The following UBE2G1 variants were observed in gnomAD, a reference collection of about 807,000 sequenced individuals.
UBE2G1 encodes the protein ubiquitin conjugating enzyme E2 G1, also known as ubiquitin-conjugating enzyme E2 G1.
A neutral mutation model predicts 22.7 loss-of-function variants in UBE2G1; 5 were observed. The ratio of observed to expected loss-of-function variants is 0.22; its 90% confidence interval spans 0.12 to 0.46. The LOEUF is 0.46. Among genes scored for constraint, UBE2G1 ranks in the 20% least tolerant of loss-of-function variants. UBE2G1 has a pLI of 0.99. For synonymous variants in UBE2G1, 74 were observed against 67.5 expected (o/e 1.10, Z -0.47); for missense variants, 88 against 203.9 (o/e 0.43, Z 3.46).
At chr17:4,283,180 GT>G in intron 4 of UBE2G1, among the ~76,000 whole-genome samples, 1 of 152,294 alleles carries the variant, frequency 6.6e-6, no homozygotes, top group African/African-American at 2.4e-5. Context: ...AACATTTACA[GT>G]TTTGTATTAC....
At chr17:4,281,272 G>A (rs532965759) in intron 5 of UBE2G1, among the ~76,000 whole-genome samples, 1 of 152,140 alleles carries the variant, frequency 6.6e-6, no homozygotes, top group African/African-American at 2.4e-5. Flanking sequence ...AGCAATAAAA[G>A]TAACAGAAGA....
chr17:4,350,765 G>A (rs1969835684), intron 1 of UBE2G1, among the ~76,000 whole-genome samples: 2 of 151,932 alleles, frequency 1.3e-5, no homozygotes, highest in Non-Finnish European at 2.9e-5. Context: ...GGACGTGTTG[G>A]CTCACGTCTG....
At chr17:4,315,622 C>A (rs1969358348) in intron 1 of UBE2G1, among the ~76,000 whole-genome samples, 1 of 150,588 alleles carries the variant, frequency 6.6e-6, no homozygotes, top group Non-Finnish European at 1.5e-5. Context: ...CGCCTGTAGT[C>A]CCAGCTACTC....
At chr17:4,311,747 C>T (rs1969312570) in intron 1 of UBE2G1, among the ~76,000 whole-genome samples, 1 of 152,178 alleles carries the variant, frequency 6.6e-6, no homozygotes, top group Non-Finnish European at 1.5e-5. Context: ...ACACGAAACA[C>T]CACTGAGTGG....
chr17:4,279,168 G>GT (rs1968853491), intron 5 of UBE2G1, among the ~76,000 whole-genome samples: 1 of 151,916 alleles, frequency 6.6e-6, no homozygotes. Context: ...CCAGCTACTT[G>GT]GGAGGCTGAG....
At chr17:4,294,434 AAAAAAAGAAAGAAAC>A (rs575227253) in intron 3 of UBE2G1, among the ~76,000 whole-genome samples, 32,232 of 103,138 alleles carry the variant, frequency 0.31, 3,320 homozygotes, top group Admixed American at 0.36. Context: ...AAAAAAAAAA[AAAAAAAGAAAGAAAC>A]GAAAAGAAAA....
At chr17:4,357,677 T>C (rs1969923267) in intron 1 of UBE2G1, among the ~76,000 whole-genome samples, 2 of 152,116 alleles carry the variant, frequency 1.3e-5, no homozygotes, top group Non-Finnish European at 2.9e-5. Context: ...TCTCCATCAC[T>C]GTAATTCTGT....
chr17:4,363,990 C>A (rs991588678), intron 1 of UBE2G1, among the ~76,000 whole-genome samples: 1 of 143,762 alleles, frequency 7.0e-6, no homozygotes, highest in African/African-American at 2.6e-5. Flanking sequence ...TGCAGACGGG[C>A]ACGGTGGCTC....
chr17:4,366,139 C>T (rs1218146248), intron 1 of UBE2G1, 132 bp downstream of exon 1: 7 of 954,818 alleles, frequency 7.3e-6, no homozygotes, highest in African/African-American at 1.7e-5. Flanking sequence ...GGACCGGAGC[C>T]TCGAGGTCCC....
intron 1 of UBE2G1, among the ~76,000 whole-genome samples, chr17:4,361,735 T>C (rs929299216): frequency 3.3e-5 from 5 of 151,678 alleles, no homozygotes; most frequent in Non-Finnish European, 7.4e-5. Context: ...GATCAGGAGT[T>C]CAAGACCAGC....
intron 5 of UBE2G1, among the ~76,000 whole-genome samples, chr17:4,280,214 T>A (rs553704698): frequency 1.6e-4 from 25 of 151,596 alleles, no homozygotes; most frequent in Non-Finnish European, 3.5e-4. Context: ...TTTTTGTATA[T>A]CTGGTAGAGA....
At chr17:4,322,805 T>C (rs1183139155) in intron 1 of UBE2G1, among the ~76,000 whole-genome samples, 1 of 152,146 alleles carries the variant, frequency 6.6e-6, no homozygotes, top group African/African-American at 2.4e-5. Flanking sequence ...GAAGGCAATG[T>C]TGATGTCTAA....
intron 5 of UBE2G1, among the ~76,000 whole-genome samples, chr17:4,273,260 C>T (rs1052234603): frequency 6.6e-6 from 1 of 152,230 alleles, no homozygotes; most frequent in Non-Finnish European, 1.5e-5. Flanking sequence ...ATGAAGGAGT[C>T]TCCCCTCTAA....
intron 1 of UBE2G1, among the ~76,000 whole-genome samples, chr17:4,348,477 C>T (rs1290056485): frequency 6.8e-6 from 1 of 147,982 alleles, no homozygotes; most frequent in Non-Finnish European, 1.5e-5. Context: ...GGCGTGAATC[C>T]GGGAGGCAGA....
At chr17:4,359,865 A>AAC (rs1969947549) in intron 1 of UBE2G1, among the ~76,000 whole-genome samples, 1 of 150,122 alleles carries the variant, frequency 6.7e-6, no homozygotes, top group African/African-American at 2.5e-5. Flanking sequence ...AAAAAAAAAA[A>AAC]AACAAACAAA....
At chr17:4,321,753 C>A (rs1969441472) in intron 1 of UBE2G1, among the ~76,000 whole-genome samples, 2 of 151,984 alleles carry the variant, frequency 1.3e-5, no homozygotes, top group Admixed American at 1.3e-4. Context: ...CACCCAAGTG[C>A]CGGGATTACA....
At chr17:4,272,769 AG>A (rs1330323054) in intron 5 of UBE2G1, among the ~76,000 whole-genome samples, 1 of 152,238 alleles carries the variant, frequency 6.6e-6, no homozygotes, top group Non-Finnish European at 1.5e-5. Context: ...CGTGCTCAGT[AG>A]TCACATGTGG....
rs1567525285 is a variant in UBE2G1 at position 4,331,091 on chromosome 17, A to G, written c.47-23968T>C. 3.3e-5 allele frequency among the ~76,000 whole-genome samples: 5 copies of G among 152,148 alleles called. No homozygotes were observed. The South Asian group carries it at 1.0e-3, about 32-fold the overall frequency. On this transcript the variant is annotated intron_variant, in intron 1 of 5. Transcript: ENST00000396981. ...ACCTAGCAGAATCAAACATTTTTTA[A>G]AGTTCCTGGTGGTATGAAGAACACA...
At chr17:4,301,195 T>A (rs1443140807) in intron 2 of UBE2G1, among the ~76,000 whole-genome samples, 1 of 152,230 alleles carries the variant, frequency 6.6e-6, no homozygotes, top group Non-Finnish European at 1.5e-5. Context: ...CTCTTGTCCA[T>A]TCATTCTATC....
Sources: allele counts gnomAD v4.1 joint callset (sites outside exome capture counted in the v4.1 genomes callset), GRCh38; gene constraint gnomAD v4.1.1; transcripts MANE v1.5; gene names NCBI Gene and HGNC (gene_info 2026-07-23, HGNC 2026-07-21).